Variants in DYRK1A observed in about 807,000 individuals in gnomAD.
DYRK1A encodes the protein dual specificity tyrosine-phosphorylation-regulated kinase 1A.
DYRK1A carries 9 observed loss-of-function variants against 79.7 expected under a neutral mutation model. The ratio of observed to expected loss-of-function variants is 0.11; its 90% CI spans 0.07 to 0.20. The LOEUF (loss-of-function observed/expected upper bound fraction) is 0.20. Ranked by LOEUF, DYRK1A falls within the 10% of genes least tolerant of loss-of-function variation. The pLI, the probability that DYRK1A is intolerant of heterozygous loss-of-function variation, is 1.00. For synonymous variants in DYRK1A, 349 were observed against 329.7 expected (o/e 1.06, Z -0.63); for missense variants, 622 against 956.0 (o/e 0.65, Z 4.61).
intron 1 of DYRK1A, among the ~76,000 whole-genome samples, chr21:37,406,311 C>T (rs1312805879): frequency 6.6e-6 from 1 of 152,134 alleles, no homozygotes; most frequent in Non-Finnish European, 1.5e-5. Context: ...AGGTTTATAT[C>T]CATAAAGACA....
At chr21:37,476,472 G>A (rs897449689) in intron 3 of DYRK1A, among the ~76,000 whole-genome samples, 2 of 152,130 alleles carry the variant, frequency 1.3e-5, no homozygotes, top group Non-Finnish European at 2.9e-5. Context: ...TTCAGATTTT[G>A]TGAAACCTCA....
At chr21:37,455,553 T>C (rs550888151) in intron 2 of DYRK1A, among the ~76,000 whole-genome samples, 8 of 152,300 alleles carry the variant, frequency 5.3e-5, no homozygotes, top group African/African-American at 1.9e-4. Context: ...AGCTGTCTCT[T>C]ATCTGTCGTC....
In DYRK1A at chr21:37,367,040, G is replaced by A. The variant is rs1157288938; in HGVS notation, c.-665G>A. The A allele has an allele frequency of 3.1e-5, 5 of 161,636 alleles. No homozygotes were observed. Among genetic ancestry groups the A allele is most frequent in the South Asian group, 2.6e-4 (2 of 7,630 alleles). The allele number at this position is 161,636 out of a possible 1,614,324, so 10.0% of individuals were successfully genotyped here. A position where few individuals can be genotyped will look rare whatever the true frequency, so the allele number is the denominator to read the frequency against. ...TCCTGCTGCTGCTGTTGGTGCCGCT[G>A]CCGCCGCCGGCGAGCAGGCGGGACC... On this transcript the variant is annotated 5_prime_UTR_variant, in exon 1 of 12. Transcript: ENST00000647188.
chr21:37,434,780 G>A (rs956989847), intron 2 of DYRK1A, among the ~76,000 whole-genome samples: 1 of 152,202 alleles, frequency 6.6e-6, no homozygotes, highest in South Asian at 2.1e-4. Flanking sequence ...GGGAATACTT[G>A]AGACTTCAGT....
intron 1 of DYRK1A, among the ~76,000 whole-genome samples, chr21:37,390,088 C>T (rs1167362790): frequency 6.6e-6 from 1 of 151,726 alleles, no homozygotes; most frequent in African/African-American, 2.4e-5. Flanking sequence ...TGTGCTCAGC[C>T]TTCACTTTTG....
chr21:37,379,254 A>G (rs539769579), intron 1 of DYRK1A, among the ~76,000 whole-genome samples: 1 of 152,186 alleles, frequency 6.6e-6, no homozygotes, highest in Non-Finnish European at 1.5e-5. Flanking sequence ...AGGCAGGACC[A>G]TTCTAGATGT....
At chr21:37,387,077 C>G (rs1433889256) in intron 1 of DYRK1A, among the ~76,000 whole-genome samples, 1 of 152,096 alleles carries the variant, frequency 6.6e-6, no homozygotes, top group East Asian at 1.9e-4. Context: ...GAGCACATGC[C>G]TAAATGGAGG....
In DYRK1A at chr21:37,407,355, TGGA is replaced by T. The variant is rs199550057; in HGVS notation, c.-76-12942_-76-12940del. ...GTAACCCATCATATGAGTTCAGGTG[TGGA>T]GTTTTTCACTGGTGGCATCATGTCT... On this transcript the variant is annotated intron_variant, in intron 1 of 11. Transcript: ENST00000647188. 1.2e-3 allele frequency among the ~76,000 whole-genome samples: 178 copies of T among 152,296 alleles called. 1 individual carries two copies. The East Asian group carries it at 0.029, about 25-fold the overall frequency.
At position 37,367,595 on chromosome 21, in the gene DYRK1A, G is replaced by A. The variant is rs2049335295; in HGVS notation, c.-110G>A. ...GGGAGCCCGAGGCTGAGACTCACCG[G>A]AGGAAGCGGCGCGAGCGCCCCGCCA... On this transcript the variant is annotated 5_prime_UTR_variant, in exon 1 of 12. Transcript: ENST00000647188. 1 of 147,166 alleles carries A rather than the reference G, an allele frequency of 6.8e-6. No homozygotes were observed. The highest frequency in any genetic ancestry group is 2.5e-5 in the African/African-American group (1 of 40,768). The allele number at this position is 147,166 out of a possible 1,614,324, so 9.1% of individuals were successfully genotyped here. A position where few individuals can be genotyped will look rare whatever the true frequency, so the allele number is the denominator to read the frequency against.
chr21:37,406,027 TA>T (rs1407876885), intron 1 of DYRK1A, among the ~76,000 whole-genome samples: 1 of 152,056 alleles, frequency 6.6e-6, no homozygotes, highest in Non-Finnish European at 1.5e-5. Context: ...TTTTTTTTTT[TA>T]AGGATGATAC....
At chr21:37,403,500 A>AGTGCAGTGGTGCAGTG (rs769360351) in intron 1 of DYRK1A, among the ~76,000 whole-genome samples, 1 of 151,934 alleles carries the variant, frequency 6.6e-6, no homozygotes, top group Admixed American at 6.6e-5. Context: ...CCCAGTCTGG[A>AGTGCAGTGGTGCAGTG]GTGCAGTGGT....
At chr21:37,475,824 G>A (rs1028707845) in intron 3 of DYRK1A, among the ~76,000 whole-genome samples, 3 of 152,008 alleles carry the variant, frequency 2.0e-5, no homozygotes, top group Admixed American at 1.3e-4. Flanking sequence ...TGTGATTTTG[G>A]TGTTTTTTAG....
rs138282146 is a variant in DYRK1A at position 37,435,050 on chromosome 21, A to G, written c.10+14666A>G. On this transcript the variant is annotated intron_variant, in intron 2 of 11. Transcript: ENST00000647188. ...TTAACTGTGTTCTGCATGTTATTCC[A>G]TGGGATCGCCTTTGGAGTAAAGTAG... Among the ~76,000 whole-genome samples, 730 of 152,340 alleles carry G rather than the reference A, an allele frequency of 4.8e-3. 4 individuals carry two copies. The highest frequency in any genetic ancestry group is 0.041 in the Middle Eastern group (12 of 294).
At chr21:37,459,549 A>G (rs1190094258) in intron 2 of DYRK1A, among the ~76,000 whole-genome samples, 1 of 151,986 alleles carries the variant, frequency 6.6e-6, no homozygotes, top group Non-Finnish European at 1.5e-5. Context: ...GATTTTGTTT[A>G]TTTAATTATT....
chr21:37,457,411 G>A (rs999458484), intron 2 of DYRK1A, among the ~76,000 whole-genome samples: 11 of 152,070 alleles, frequency 7.2e-5, no homozygotes, highest in Non-Finnish European at 1.6e-4. Flanking sequence ...GTGTGTGTGT[G>A]TGTTTAGTAG....
At chr21:37,411,850 AACT>A (rs770798566) in intron 1 of DYRK1A, among the ~76,000 whole-genome samples, 1 of 152,184 alleles carries the variant, frequency 6.6e-6, no homozygotes, top group Admixed American at 6.5e-5. Flanking sequence ...TCCTGCACAT[AACT>A]ACTATTCTCT....
chr21:37,425,968 GT>G (rs1167684583), intron 2 of DYRK1A, among the ~76,000 whole-genome samples: 3 of 152,188 alleles, frequency 2.0e-5, no homozygotes, highest in African/African-American at 7.2e-5. Context: ...ACTGGAGATA[GT>G]TTTGAGTTCC....
intron 1 of DYRK1A, among the ~76,000 whole-genome samples, chr21:37,396,732 G>T (rs1404944608): frequency 6.6e-6 from 1 of 152,120 alleles, no homozygotes; most frequent in Non-Finnish European, 1.5e-5. Context: ...GAGCCCTTCA[G>T]GGTGCAGAAT....
intron 1 of DYRK1A, among the ~76,000 whole-genome samples, chr21:37,394,815 G>A (rs974682333): frequency 1.3e-5 from 2 of 152,260 alleles, no homozygotes; most frequent in South Asian, 2.1e-4. Flanking sequence ...TCAGCTCCAC[G>A]TTGCACCTAA....
Sources: gnomAD v4.1 joint callset for allele counts (sites outside exome capture counted in the v4.1 genomes callset) on GRCh38, gnomAD v4.1.1 for gene constraint, MANE v1.5 for transcripts, NCBI Gene and HGNC (gene_info 2026-07-23, HGNC 2026-07-21) for gene names.